RYR2: variants seen among roughly 807,000 people sequenced by gnomAD.
RYR2 encodes the protein cardiac muscle ryanodine receptor-calcium release channel.
RYR2 carries 227 observed loss-of-function variants against 601.1 expected under a neutral mutation model. The observed-to-expected ratio is 0.38, with a 90% CI of 0.34 to 0.42. The LOEUF is 0.42. RYR2 is among the 10% of genes least tolerant of loss of function. The pLI, the probability that RYR2 is intolerant of heterozygous loss-of-function variation, is 1.00. For synonymous variants in RYR2, 2,223 were observed against 2,175.1 expected (o/e 1.02, Z -0.61); for missense variants, 4,646 against 6,156.5 (o/e 0.75, Z 8.21).
At chr1:237,582,503 T>G (rs1572966928) in intron 29 of RYR2, among the ~76,000 whole-genome samples, 1 of 152,106 alleles carries the variant, frequency 6.6e-6, no homozygotes, top group Non-Finnish European at 1.5e-5. Flanking sequence ...AGTGTTATGC[T>G]GAGGTTTGTA....
intron 1 of RYR2, among the ~76,000 whole-genome samples, chr1:237,078,833 A>G (rs1315101029): frequency 2.2e-5 from 2 of 91,642 alleles, no homozygotes; most frequent in Admixed American, 2.4e-4. Context: ...CAAAAAGAGA[A>G]TTTTAGACCA....
At chr1:237,390,020 G>A (rs933972059) in intron 10 of RYR2, among the ~76,000 whole-genome samples, 2 of 152,170 alleles carry the variant, frequency 1.3e-5, no homozygotes, top group Non-Finnish European at 2.9e-5. Context: ...GAATGCTGAT[G>A]TTTAGGATGT....
intron 2 of RYR2, among the ~76,000 whole-genome samples, chr1:237,310,718 G>A (rs975865306): frequency 4.6e-5 from 7 of 152,140 alleles, no homozygotes; most frequent in Non-Finnish European, 1.0e-4. Context: ...TAAATTGATT[G>A]AGTCCTGTCT....
rs1012341143 is a variant in RYR2, at chr1:237,095,869, G to A, written c.48+53300G>A. Among the ~76,000 whole-genome samples, 10 of 152,216 alleles carry A rather than the reference G, an allele frequency of 6.6e-5. No homozygotes were observed. The South Asian group carries it at 1.0e-3, about 16-fold the overall frequency. ...AGAGATGGATGTCATCAGAATAGGC[G>A]GGGAAGTGGACTTGTGGTTGACCTT... On this transcript the variant is annotated intron_variant, in intron 1 of 104. Coordinates refer to ENST00000366574, the MANE Select transcript of RYR2 (RefSeq NM_001035.3).
chr1:237,719,116 G>T (rs1426183907), intron 73 of RYR2, among the ~76,000 whole-genome samples: 2 of 152,072 alleles, frequency 1.3e-5, no homozygotes, highest in Non-Finnish European at 2.9e-5. Context: ...AAAATTAGCT[G>T]GATGGTGGTG....
intron 36 of RYR2, 41 bp downstream of exon 36, chr1:237,611,029 TGGGATTAGCCTGCTGCCCGGGGCTTCC>T (rs1342907067): frequency 3.8e-6 from 6 of 1,561,144 alleles, no homozygotes; most frequent in Non-Finnish European, 5.2e-6. Flanking sequence ...TTGGGACGCT[TGGGATTAGCCTGCTGCCCGGGGCTTCC>T]GGTAGTGGTG....
intron 2 of RYR2, among the ~76,000 whole-genome samples, chr1:237,316,693 T>C (rs1449500380): frequency 6.6e-6 from 1 of 152,226 alleles, no homozygotes; most frequent in Non-Finnish European, 1.5e-5. Flanking sequence ...AAATCCATTT[T>C]TCCCTTCCCT....
chr1:237,373,081 TTGTC>T (rs1251822539), intron 6 of RYR2, among the ~76,000 whole-genome samples: 5 of 152,236 alleles, frequency 3.3e-5, no homozygotes, highest in Non-Finnish European at 7.3e-5. Flanking sequence ...CACTTCATGT[TTGTC>T]TGGGAAGTCT....
intron 12 of RYR2, among the ~76,000 whole-genome samples, chr1:237,430,427 T>C (rs1325317592): frequency 6.6e-6 from 1 of 152,070 alleles, no homozygotes; most frequent in East Asian, 1.9e-4. Context: ...GTATTACAAA[T>C]ATTTTTGTAA....
At chr1:237,767,323 A>G (rs1440141013) in intron 84 of RYR2, among the ~76,000 whole-genome samples, 1 of 152,166 alleles carries the variant, frequency 6.6e-6, no homozygotes. Context: ...ACTATAGCAC[A>G]CTGAATTCAG....
At chr1:237,762,097 T>A (rs1316704035) in intron 84 of RYR2, among the ~76,000 whole-genome samples, 1 of 152,210 alleles carries the variant, frequency 6.6e-6, no homozygotes, top group Admixed American at 6.5e-5. Flanking sequence ...GTTTATTTTA[T>A]TTTCTGCTTG....
chr1:237,366,529 G>C (rs2149738175), intron 5 of RYR2, among the ~76,000 whole-genome samples: 1 of 152,004 alleles, frequency 6.6e-6, no homozygotes, highest in East Asian at 1.9e-4. Flanking sequence ...AGCCTCCTAG[G>C]TAGTTGGGAT....
chr1:237,157,593 G>A (rs1233343532), intron 1 of RYR2, among the ~76,000 whole-genome samples: 10 of 152,130 alleles, frequency 6.6e-5, no homozygotes, highest in African/African-American at 2.4e-4. Context: ...AGAAACATGG[G>A]TGAAACTGGA....
In RYR2 at chr1:237,602,125, TTC is replaced by T. The variant is rs1676568701; in HGVS notation, c.4683+15_4683+16del. On this transcript the variant is annotated intron_variant, in intron 35 of 104. Coordinates refer to ENST00000366574, the MANE Select transcript of RYR2 (RefSeq NM_001035.3). The stretch of plus-strand genomic sequence containing the variant: ...GGAAGAATAAAGGTAATAAAACTTA[TTC>T]CTGGTATTGTATTTGTATTTTTTCT... The T allele has an allele frequency of 1.9e-6, 3 of 1,589,794 alleles. No homozygotes were observed. The highest frequency in any genetic ancestry group is 2.6e-6 in the Non-Finnish European group (3 of 1,160,942).
rs1251077656 is a variant in RYR2 at position 237,382,320 on chromosome 1, C to T, written c.576+4885C>T. On this transcript the variant is annotated intron_variant, in intron 8 of 104. Transcript: ENST00000366574. Reference sequence around the variant, plus strand: ...AAATGCTTAAGAGAAAGCTATTCTACAGTTCAAAAAATTTCTTTCTTTCTT... The same window carrying T: ...AAATGCTTAAGAGAAAGCTATTCTATAGTTCAAAAAATTTCTTTCTTTCTT... 2.6e-5 allele frequency among the ~76,000 whole-genome samples: 4 copies of T among 152,146 alleles called. No individual in the cohort carries two copies. In the East Asian group the frequency reaches 7.7e-4, roughly 29 times the overall value.
chr1:237,591,070 G>C, intron 31 of RYR2, 78 bp downstream of exon 31: 1 of 1,246,054 alleles, frequency 8.0e-7, no homozygotes, highest in Non-Finnish European at 1.1e-6. Flanking sequence ...GGGTCTCCTA[G>C]TGTAAATTTT....
intron 1 of RYR2, among the ~76,000 whole-genome samples, chr1:237,124,549 G>A (rs1005062342): frequency 1.1e-4 from 16 of 152,158 alleles, no homozygotes; most frequent in Admixed American, 5.2e-4. Context: ...GAGAGAATCC[G>A]TTTTCATGCC....
At chr1:237,444,821 GA>G (rs1361634119) in intron 13 of RYR2, among the ~76,000 whole-genome samples, 1 of 152,102 alleles carries the variant, frequency 6.6e-6, no homozygotes, top group African/African-American at 2.4e-5. Context: ...CAAAAGAAAA[GA>G]AATATATGTA....
chr1:237,521,856 T>C (rs1170651093), intron 24 of RYR2, among the ~76,000 whole-genome samples: 3 of 152,244 alleles, frequency 2.0e-5, no homozygotes, highest in Non-Finnish European at 2.9e-5. Context: ...CCAGCCTCAT[T>C]ATAAGTGAGG....
Sources: gnomAD v4.1 joint callset for allele counts (sites outside exome capture counted in the v4.1 genomes callset) on GRCh38, gnomAD v4.1.1 for gene constraint, MANE v1.5 for transcripts, NCBI Gene and HGNC (gene_info 2026-07-23, HGNC 2026-07-21) for gene names.